LAMA2: variants seen among roughly 807,000 people sequenced by gnomAD.
The protein encoded by LAMA2 is laminin subunit alpha-2.
A neutral mutation model predicts 364.8 loss-of-function variants in LAMA2; 269 were observed. That is an observed-to-expected ratio of 0.74 (90% CI 0.67 to 0.82). The LOEUF (loss-of-function observed/expected upper bound fraction) is 0.82, where lower values mean the gene tolerates loss of function less well. Ranked by LOEUF, LAMA2 falls within the 40% of genes least tolerant of loss-of-function variation. The probability of loss-of-function intolerance (pLI) is 0.00; values close to 1 mark genes in which losing one functional copy is unlikely to be tolerated. For synonymous variants in LAMA2, 1,379 were observed against 1,370.6 expected, an observed-to-expected ratio of 1.01 and a Z score of -0.14; for missense variants, 3,807 against 3,873.2, an observed-to-expected ratio of 0.98 and a Z score of 0.45.
chr6:129,459,720 G>T (rs138989915), intron 48 of LAMA2, among the ~76,000 whole-genome samples: 78 of 152,148 alleles, frequency 5.1e-4, no homozygotes, highest in African/African-American at 1.8e-3. Flanking sequence ...AGGGGAAAAA[G>T]CTTTGTGTAT....
chr6:128,895,583 G>A (rs1286109750), intron 1 of LAMA2, among the ~76,000 whole-genome samples: 1 of 152,038 alleles, frequency 6.6e-6, no homozygotes, highest in Admixed American at 6.6e-5. Context: ...GGGAGGAGGA[G>A]CTTGCAGTGA....
intron 21 of LAMA2, 91 bp downstream of exon 21, chr6:129,297,956 G>C: frequency 9.5e-7 from 1 of 1,049,944 alleles, no homozygotes; most frequent in Admixed American, 2.0e-5. Context: ...AGGAAGCACA[G>C]ATTGATACAA....
intron 40 of LAMA2, among the ~76,000 whole-genome samples, chr6:129,404,976 C>T (rs573359482): frequency 1.3e-5 from 2 of 152,102 alleles, no homozygotes; most frequent in East Asian, 1.9e-4. Context: ...CTTGAGTGAG[C>T]CCTACTAATG....
intron 8 of LAMA2, among the ~76,000 whole-genome samples, chr6:129,156,048 A>G (rs1453951027): frequency 1.3e-5 from 2 of 151,932 alleles, no homozygotes; most frequent in African/African-American, 2.4e-5. Context: ...GTTAATAACA[A>G]TGTATTTACT....
intron 58 of LAMA2, among the ~76,000 whole-genome samples, chr6:129,497,745 C>T (rs1003219623): frequency 1.3e-5 from 2 of 152,190 alleles, no homozygotes; most frequent in African/African-American, 4.8e-5. Context: ...CACTATACTA[C>T]AGGGCAATGT....
At chr6:129,419,666 C>A (rs1780973547) in intron 40 of LAMA2, among the ~76,000 whole-genome samples, 1 of 152,160 alleles carries the variant, frequency 6.6e-6, no homozygotes, top group Non-Finnish European at 1.5e-5. Flanking sequence ...TAAAAATTCA[C>A]ACTCACGAAT....
Position 128,938,508 on chromosome 6 carries a change from A to G in LAMA2, c.112+55151A>G, listed in dbSNP as rs577097077. Among the ~76,000 whole-genome samples, 3 of 152,278 alleles carry G rather than the reference A, an allele frequency of 2.0e-5. No individual in the cohort carries two copies. The South Asian group carries it at 6.2e-4, about 32-fold the overall frequency. On this transcript the variant is annotated intron_variant, in intron 1 of 64. Transcript: ENST00000421865. ...ACCAGTTGTATATAGAGAAGCTGCT[A>G]GGCAAACATAAGATTTTTTTAAATC...
intron 31 of LAMA2, among the ~76,000 whole-genome samples, chr6:129,351,308 T>C (rs1286807648): frequency 6.6e-6 from 1 of 152,196 alleles, no homozygotes; most frequent in Non-Finnish European, 1.5e-5. Flanking sequence ...TAAAGCAGAA[T>C]GATTACAGAA....
chr6:129,069,121 G>A (rs964153909), intron 3 of LAMA2, among the ~76,000 whole-genome samples: 3 of 151,746 alleles, frequency 2.0e-5, no homozygotes, highest in African/African-American at 7.3e-5. Context: ...TAAAAAAAAA[G>A]AACAATAATA....
At chr6:129,512,203 A>C (rs1156232675) in intron 62 of LAMA2, among the ~76,000 whole-genome samples, 160 bp from the exon 63 acceptor site, 3 of 152,182 alleles carry the variant, frequency 2.0e-5, no homozygotes. Context: ...TACATGATGC[A>C]GTGGTGGAAG....
rs775361763 is a variant in LAMA2, at chr6:129,401,307, C to T, written c.5529C>T (p.Asn1843=). 7.4e-6 allele frequency: 12 copies of T among 1,611,412 alleles called. No homozygotes were observed. In the South Asian group the frequency reaches 1.2e-4, roughly 16 times the overall value. The part of the protein sequence containing the change: ...KEGNDILDEA[N]RLADEINSII... ...GCAATGACATACTCGATGAAGCCAA[C>T]CGTCTTGCAGATGAAATCAACTCCA... is the stretch of plus-strand genomic sequence containing the variant. Residue 1843 remains asparagine (N), a synonymous_variant, in exon 38 of 65, where the codon AAC becomes AAT. Coordinates refer to ENST00000421865, the MANE Select transcript of LAMA2 (RefSeq NM_000426.4).
At chr6:129,141,933 T>C (rs1294376641) in intron 4 of LAMA2, among the ~76,000 whole-genome samples, 3 of 152,088 alleles carry the variant, frequency 2.0e-5, no homozygotes, top group African/African-American at 7.2e-5. Context: ...TCAATTTCAC[T>C]TTCTTTAACA....
chr6:129,067,243 C>T (rs1789423454), intron 3 of LAMA2, among the ~76,000 whole-genome samples: 1 of 16,836 alleles, frequency 5.9e-5, no homozygotes. Context: ...TTATACCTTA[C>T]CTGAGTATAC....
chr6:129,474,976 A>G (rs1390230776), intron 52 of LAMA2, among the ~76,000 whole-genome samples: 2 of 152,186 alleles, frequency 1.3e-5, no homozygotes, highest in Non-Finnish European at 2.9e-5. Flanking sequence ...CAGTATGACA[A>G]AGTGCAAAAG....
chr6:129,487,561 T>C (rs1784654728), intron 56 of LAMA2, among the ~76,000 whole-genome samples: 1 of 152,210 alleles, frequency 6.6e-6, no homozygotes, highest in African/African-American at 2.4e-5. Flanking sequence ...AGTATGAATA[T>C]GTAGCAGTAG....
Position 129,411,588 on chromosome 6 carries a change from A to C in LAMA2, c.5865+7629A>C, listed in dbSNP as rs573387525. Among the ~76,000 whole-genome samples, 4 of 152,342 alleles carry C rather than the reference A, an allele frequency of 2.6e-5. No homozygotes were observed. The East Asian group carries it at 7.7e-4, about 29-fold the overall frequency. The stretch of plus-strand genomic sequence containing the variant: ...GTAAAAACTCCATAGAAACCTCAAA[A>C]AGAGCTTTTTCTTGCAATGGGGTTA... On this transcript the variant is annotated intron_variant, in intron 40 of 64. Transcript: ENST00000421865.
intron 1 of LAMA2, among the ~76,000 whole-genome samples, chr6:128,918,947 A>G (rs1778523237): frequency 6.6e-6 from 1 of 152,200 alleles, no homozygotes; most frequent in African/African-American, 2.4e-5. Flanking sequence ...TAAATGTATC[A>G]ACGTAGGTAA....
At chr6:129,146,053 C>G (rs941309499) in intron 5 of LAMA2, among the ~76,000 whole-genome samples, 1 of 151,422 alleles carries the variant, frequency 6.6e-6, no homozygotes. Context: ...ATGTATGTAA[C>G]AAAAACAAAT....
rs1271730400 is a variant in LAMA2 at position 129,048,440 on chromosome 6, TTTTC to T, written c.113-1425_113-1422del. On this transcript the variant is annotated intron_variant, in intron 1 of 64. Coordinates refer to ENST00000421865, the MANE Select transcript of LAMA2 (RefSeq NM_000426.4). ...TTTAGTCAGGAAGGTTTCTTTTTTC[TTTTC>T]TTTCTTTCTTTCTTTCTTTCTTTCT... Among the ~76,000 whole-genome samples, 1,037 of 103,876 alleles carry T rather than the reference TTTTC, an allele frequency of 1.0e-2. 54 individuals are homozygous for T. Among genetic ancestry groups the T allele is most frequent in the African/African-American group, 0.028 (710 of 25,316 alleles). The allele number at this position is 103,876 out of a possible 152,430, so 68.1% of individuals were successfully genotyped here.
Sources: gnomAD v4.1 joint callset for allele counts (sites outside exome capture counted in the v4.1 genomes callset) on GRCh38, gnomAD v4.1.1 for gene constraint, MANE v1.5 for transcripts, NCBI Gene and HGNC (gene_info 2026-07-23, HGNC 2026-07-21) for gene names.